Variants in MYO9A observed in about 807,000 individuals in gnomAD.
The protein encoded by MYO9A is myosin IXA, also known as unconventional myosin-IXa.
In MYO9A, 103 loss-of-function variants were observed where a neutral mutation model predicts 293.3. That is an observed-to-expected ratio of 0.35 (90% CI 0.30 to 0.41). The LOEUF (loss-of-function observed/expected upper bound fraction) is 0.41. MYO9A is among the 10% of genes least tolerant of loss of function. The pLI is 1.00. For synonymous variants in MYO9A, 1,001 were observed against 1,035.7 expected (o/e 0.97, Z 0.64); for missense variants, 2,685 against 3,033.0 (o/e 0.89, Z 2.69).
chr15:71,898,816 C>T lies in MYO9A; in HGVS notation c.3687G>A (p.Glu1229=). Residue 1229 remains glutamate (E), a synonymous_variant, in exon 25 of 42, where the codon GAG becomes GAA. Coordinates refer to ENST00000356056, the MANE Select transcript of MYO9A (RefSeq NM_006901.4). ...CTCTCTCCTGCTGCTTGTTTGGTGA[C>T]TCCTTCAAGCAGTCCACTGAACTTT... ...SRESSVDCLK[E]SPNKQQERAQ... is the part of the protein sequence containing the mutation. 6.2e-7 allele frequency: 1 copy of T among 1,614,168 alleles called. No individual in the cohort carries two copies.
At chr15:72,113,597 TG>T (rs1319816521) in intron 1 of MYO9A, among the ~76,000 whole-genome samples, 2 of 152,174 alleles carry the variant, frequency 1.3e-5, no homozygotes, top group African/African-American at 2.4e-5. Context: ...GGAAAGGACA[TG>T]ATTTGATTTT....
chr15:71,909,376 T>C (rs953009044), intron 19 of MYO9A, among the ~76,000 whole-genome samples: 3 of 152,364 alleles, frequency 2.0e-5, no homozygotes, highest in African/African-American at 7.2e-5. Flanking sequence ...CACCAATGAA[T>C]GAGTGTTCCT....
chr15:71,987,964 G>A lies in MYO9A; in HGVS notation c.1722+3139C>T, dbSNP rs147222100. ...AATCACCCATCTTCCAAGTAGTTTT[G>A]AACACATTTTCCATAAACTCTAAGG... On this transcript the variant is annotated intron_variant, in intron 11 of 41. Transcript: ENST00000356056. 2.3e-3 allele frequency among the ~76,000 whole-genome samples: 343 copies of A among 152,200 alleles called. 1 individual carries two copies. Among genetic ancestry groups the A allele is most frequent in the African/African-American group, 7.9e-3 (329 of 41,542 alleles).
At chr15:72,057,131 G>A (rs1161176462) in intron 1 of MYO9A, among the ~76,000 whole-genome samples, 1 of 151,530 alleles carries the variant, frequency 6.6e-6, no homozygotes, top group African/African-American at 2.4e-5. Context: ...AATTAGCCAG[G>A]TGTGGTGGCA....
chr15:71,864,716 G>A (rs1191735526), intron 32 of MYO9A, among the ~76,000 whole-genome samples: 1 of 152,076 alleles, frequency 6.6e-6, no homozygotes, highest in Non-Finnish European at 1.5e-5. Flanking sequence ...ATGCTAAAAA[G>A]CCACATGCAA....
At chr15:72,086,620 C>T (rs1333879464) in intron 1 of MYO9A, among the ~76,000 whole-genome samples, 1 of 150,744 alleles carries the variant, frequency 6.6e-6, no homozygotes, top group Non-Finnish European at 1.5e-5. Context: ...TGTGCACACA[C>T]ACCGGCAAAG....
intron 2 of MYO9A, chr15:72,041,300 A>G: frequency 2.3e-6 from 2 of 858,396 alleles, no homozygotes; most frequent in Non-Finnish European, 3.8e-6. Flanking sequence ...TGCCTAGTTC[A>G]CTTTCTGGCA....
chr15:72,107,475 G>A (rs754671695), intron 1 of MYO9A, among the ~76,000 whole-genome samples: 5 of 152,146 alleles, frequency 3.3e-5, no homozygotes, highest in Admixed American at 6.6e-5. Context: ...CTTGAACCCC[G>A]GAGGCAGAAG....
chr15:71,964,950 T>C (rs1165562534), intron 13 of MYO9A, among the ~76,000 whole-genome samples: 1 of 151,658 alleles, frequency 6.6e-6, no homozygotes, highest in African/African-American at 2.4e-5. Flanking sequence ...ACAAGACTCT[T>C]GTCTCAAAAA....
intron 6 of MYO9A, among the ~76,000 whole-genome samples, chr15:72,013,010 C>A (rs2077219864): frequency 6.6e-6 from 1 of 152,086 alleles, no homozygotes; most frequent in Non-Finnish European, 1.5e-5. Flanking sequence ...CTGATGATAA[C>A]TGTAGAAGAA....
intron 1 of MYO9A, chr15:72,117,041 G>A (rs2081007917): frequency 6.6e-6 from 1 of 152,246 alleles, no homozygotes; most frequent in Non-Finnish European, 1.5e-5. Context: ...AAAGGATCGC[G>A]ACTAAGGAGA....
rs753807599 is a variant in MYO9A, at chr15:71,883,644, G to A, written c.5348C>T (p.Ser1783Leu). The change falls in exon 28 of 42, where the codon TCG (serine) becomes TTG (leucine). Residue 1783 changes from serine (S) to leucine (L), a missense_variant. Ser to Leu is a moderately radical substitution (Grantham distance 145, BLOSUM62 -2). This residue lies in a region of MYO9A where 1,434 missense variants were observed against 1,497.7 expected (regional missense o/e 0.96). Coordinates refer to ENST00000356056, the MANE Select transcript of MYO9A (RefSeq NM_006901.4). ...RVKPTTQSEV[S>L]PLFAGTDVIP... ...CACATCTGTGCCTGCAAAGAGTGGCGAAACCTCTGACTGGGTAGTAGGTTT... is the reference window on the plus strand; with the variant it reads ...CACATCTGTGCCTGCAAAGAGTGGCAAAACCTCTGACTGGGTAGTAGGTTT... The A allele has an allele frequency of 5.8e-5, 93 of 1,613,422 alleles. No homozygotes were observed. Among genetic ancestry groups the A allele is most frequent in the African/African-American group, 1.2e-4 (9 of 74,854 alleles).
intron 34 of MYO9A, chr15:71,858,721 G>T (rs2055977228): frequency 9.1e-6 from 1 of 109,658 alleles, no homozygotes. Flanking sequence ...GGGGGGAGGG[G>T]GGAGGGATAG....
chr15:72,103,875 T>G (rs1029861792), intron 1 of MYO9A, among the ~76,000 whole-genome samples: 1 of 152,198 alleles, frequency 6.6e-6, no homozygotes, highest in Non-Finnish European at 1.5e-5. Context: ...GGGGGATATG[T>G]TGACAAGGAT....
At chr15:72,114,810 A>C (rs1430389304) in intron 1 of MYO9A, among the ~76,000 whole-genome samples, 3 of 152,204 alleles carry the variant, frequency 2.0e-5, no homozygotes, top group Non-Finnish European at 4.4e-5. Context: ...AAATGTCTGA[A>C]AAGTCTTTGA....
intron 2 of MYO9A, 98 bp from the exon 3 acceptor site, chr15:72,032,686 A>C: frequency 7.6e-6 from 5 of 660,440 alleles, no homozygotes; most frequent in Non-Finnish European, 7.2e-6. Flanking sequence ...TCAGAGACAA[A>C]ATGTTAAAGA....
intron 30 of MYO9A, among the ~76,000 whole-genome samples, chr15:71,879,056 A>G (rs1294065457): frequency 2.0e-5 from 3 of 152,154 alleles, no homozygotes; most frequent in Non-Finnish European, 4.4e-5. Context: ...CGCCCAGCCA[A>G]GTAGAGTATA....
At chr15:72,014,150 T>C (rs954833853) in intron 6 of MYO9A, among the ~76,000 whole-genome samples, 2 of 152,178 alleles carry the variant, frequency 1.3e-5, no homozygotes, top group Admixed American at 6.5e-5. Context: ...GTAGTTATGA[T>C]TGCCTTTCAC....
In MYO9A at chr15:71,849,603, A is replaced by AGAT. The variant is rs145286146; in HGVS notation, c.6713+430_6713+432dup. 5.6e-3 allele frequency among the ~76,000 whole-genome samples: 856 copies of AGAT among 151,566 alleles called. 12 individuals are homozygous for AGAT. The highest frequency in any genetic ancestry group is 0.02 in the African/African-American group (811 of 41,470). On this transcript the variant is annotated intron_variant, in intron 38 of 41. Transcript: ENST00000356056. Reference sequence around the variant, plus strand: ...TTTTTTAAAGTTCCTTTTGCAGTCAAGATTGAGGAGAGCAAAAGAAAACCA... The same window carrying AGAT: ...TTTTTTAAAGTTCCTTTTGCAGTCAAGATGATTGAGGAGAGCAAAAGAAAACCA...
Sources: allele counts gnomAD v4.1 joint callset (sites outside exome capture counted in the v4.1 genomes callset), GRCh38; gene constraint gnomAD v4.1.1; regional missense constraint gnomAD v4.1.1; transcripts MANE v1.5; gene names NCBI Gene and HGNC (gene_info 2026-07-23, HGNC 2026-07-21).